The following DMD variants were observed in gnomAD, a reference collection of about 807,000 sequenced individuals.
DMD encodes mutant dystrophin.
DMD carries 63 observed loss-of-function variants against 330.1 expected under a neutral mutation model. That is an observed-to-expected ratio of 0.19 (90% confidence interval 0.16 to 0.24). DMD has a LOEUF of 0.24. Among genes scored for constraint, DMD ranks in the 10% least tolerant of loss-of-function variants. The pLI is 1.00. For missense variants in DMD, 3,344 were observed against 2,684.1 expected, an observed-to-expected ratio of 1.25 and a Z score of -5.43; for synonymous variants, 1,223 against 959.8, an observed-to-expected ratio of 1.27 and a Z score of -5.07.
At chrX:32,616,950 T>A (rs1254275542) in intron 11 of DMD, among the ~76,000 whole-genome samples, 2 of 109,384 alleles carry the variant, frequency 1.8e-5, no homozygotes, top group African/African-American at 3.3e-5. Flanking sequence ...CCTCTTCAAC[T>A]TTTTTTTGAA....
chrX:33,006,410 A>C (rs181806255), intron 2 of DMD, among the ~76,000 whole-genome samples: 1 of 112,186 alleles, frequency 8.9e-6, no homozygotes, highest in African/African-American at 3.2e-5. Context: ...CATCAATAGA[A>C]CAGAATAGTG....
intron 60 of DMD, among the ~76,000 whole-genome samples, chrX:31,432,396 C>T (rs781158114): frequency 3.6e-5 from 4 of 111,887 alleles, no homozygotes; most frequent in African/African-American, 6.5e-5. Flanking sequence ...TTAGAAAAGA[C>T]GCTGCGTAGT....
At chrX:32,700,314 C>G (rs1241931492) in intron 7 of DMD, among the ~76,000 whole-genome samples, 1 of 110,952 alleles carries the variant, frequency 9.0e-6, no homozygotes, top group Non-Finnish European at 1.9e-5. Context: ...AAGCCAGGCA[C>G]AGAAAGATAA....
In DMD at chrX:32,165,628, T is replaced by C. The variant is rs775022439; in HGVS notation, c.6438+51288A>G. ...GGTTAATGCTGAAATGAATTAATACTTTGGAGTACTGTTGTCAAGGCATGA... is the reference window on the plus strand; with the variant it reads ...GGTTAATGCTGAAATGAATTAATACCTTGGAGTACTGTTGTCAAGGCATGA... On this transcript the variant is annotated intron_variant, in intron 44 of 78. Coordinates refer to ENST00000357033, the MANE Select transcript of DMD (RefSeq NM_004006.3). 4.8e-4 allele frequency among the ~76,000 whole-genome samples: 54 copies of C among 112,200 alleles called. 1 individual carries two copies. The highest frequency in any genetic ancestry group is 1.7e-3 in the African/African-American group (52 of 30,852).
chrX:32,670,921 C>G (rs969016189), intron 9 of DMD, among the ~76,000 whole-genome samples: 1 of 110,270 alleles, frequency 9.1e-6, no homozygotes, highest in Admixed American at 9.7e-5. Flanking sequence ...TACTTCTAAA[C>G]AGTGAGGATG....
chrX:32,534,658 CTG>C (rs2047787397), intron 17 of DMD, among the ~76,000 whole-genome samples: 1 of 111,461 alleles, frequency 9.0e-6, no homozygotes, highest in Admixed American at 9.6e-5. Flanking sequence ...CTCCTTCTTG[CTG>C]TGTCCTCCCA....
At chrX:32,701,558 C>G (rs2064133884) in intron 7 of DMD, among the ~76,000 whole-genome samples, 1 of 111,378 alleles carries the variant, frequency 9.0e-6, no homozygotes, top group African/African-American at 3.3e-5. Flanking sequence ...TACTATACTT[C>G]ACCGTATCTT....
At chrX:31,652,034 C>G (rs1016244058) in intron 54 of DMD, among the ~76,000 whole-genome samples, 2 of 111,927 alleles carry the variant, frequency 1.8e-5, no homozygotes, top group Non-Finnish European at 3.8e-5. Flanking sequence ...TGTCAACTAC[C>G]TTCCTGCTCG....
chrX:32,575,748 T>C (rs2052970796), intron 13 of DMD, among the ~76,000 whole-genome samples: 2 of 111,922 alleles, frequency 1.8e-5, no homozygotes, highest in South Asian at 7.5e-4. Flanking sequence ...CTACACCATC[T>C]ACCTGACGTG....
chrX:33,267,415 G>A (rs1303599371), intron 1 of DMD, among the ~76,000 whole-genome samples: 1 of 110,868 alleles, frequency 9.0e-6, no homozygotes, highest in Non-Finnish European at 1.9e-5. Context: ...AATTAAAATG[G>A]CTATACTGCA....
At chrX:33,339,341 A>G in exon 1 of DMD, 1 of 966,163 alleles carries the variant, frequency 1.0e-6, no homozygotes, top group Non-Finnish European at 1.4e-6. Flanking sequence ...GCAAAACAGC[A>G]TCTTTCTCCT....
rs756949497 is a variant in DMD, at chrX:32,484,925, G to T, written c.2797C>A (p.Gln933Lys). ...SDVQAREKEL[Q>K]TIFDTLPPMR... ...TTTTAGGCTTTTTACTTACTTGTCTGTAGCTCTTTCTCTCTGGCCTGCACA... is the reference window on the plus strand; with the variant it reads ...TTTTAGGCTTTTTACTTACTTGTCTTTAGCTCTTTCTCTCTGGCCTGCACA... Residue 933 changes from glutamine (Q) to lysine (K), a missense_variant, in exon 21 of 79, where the codon CAG becomes AAG. Gln to Lys is a moderately conservative substitution (Grantham distance 53, BLOSUM62 1). Coordinates refer to ENST00000357033, the MANE Select transcript of DMD (RefSeq NM_004006.3). 8.3e-7 allele frequency: 1 copy of T among 1,210,869 alleles called. No homozygotes were observed. Among genetic ancestry groups the T allele is most frequent in the Admixed American group, 2.2e-5 (1 of 45,950 alleles).
At chrX:32,169,960 C>G (rs1174583810) in intron 44 of DMD, among the ~76,000 whole-genome samples, 9 of 111,152 alleles carry the variant, frequency 8.1e-5, no homozygotes, top group African/African-American at 2.9e-4. Flanking sequence ...GAAAAAATAG[C>G]AAGGAAAAAT....
At chrX:31,305,575 C>T in intron 62 of DMD, among the ~76,000 whole-genome samples, 2 of 112,078 alleles carry the variant, frequency 1.8e-5, no homozygotes, top group South Asian at 7.4e-4. Context: ...GTGCTTCCCA[C>T]ACTACTATCT....
intron 1 of DMD, among the ~76,000 whole-genome samples, chrX:33,288,856 T>C (rs2148928247): frequency 9.0e-6 from 1 of 111,644 alleles, no homozygotes; most frequent in African/African-American, 3.2e-5. Flanking sequence ...TTGGTTTTAT[T>C]TTTTATTCTT....
chrX:33,031,746 C>G (rs745987805), intron 1 of DMD, among the ~76,000 whole-genome samples: 7 of 110,268 alleles, frequency 6.3e-5, no homozygotes, highest in Non-Finnish European at 1.3e-4. Context: ...ACTCCAGCCC[C>G]GACAGGAGTT....
At position 31,119,851 on chromosome X, in the gene DMD, G is replaced by GTTTTC. The variant is rs2032056373; in HGVS notation, c.*2063_*2067dup. The GTTTTC allele has an allele frequency of 1.8e-5, 2 of 111,066 alleles. No homozygotes were observed. Among genetic ancestry groups the GTTTTC allele is most frequent in the South Asian group, 7.6e-4 (2 of 2,635 alleles). The allele number at this position is 111,066 out of a possible 1,213,427, so 9.2% of individuals were successfully genotyped here. A position where few individuals can be genotyped will look rare whatever the true frequency, so the allele number is the denominator to read the frequency against. ...GTAATTTGTTACCTTAGAGCTTTGG[G>GTTTTC]TTTTCTTTTGAAAATTATGAAGGAA... On this transcript the variant is annotated 3_prime_UTR_variant, in exon 79 of 79. Transcript: ENST00000357033.
chrX:33,122,825 G>A (rs147934848), intron 1 of DMD, among the ~76,000 whole-genome samples: 3,740 of 111,431 alleles, frequency 0.034, 168 homozygotes, highest in African/African-American at 0.12. Flanking sequence ...TCTCTCAACT[G>A]TGTTCCGAAT....
intron 29 of DMD, among the ~76,000 whole-genome samples, chrX:32,436,687 C>G (rs2098262578): frequency 9.0e-6 from 1 of 111,321 alleles, no homozygotes; most frequent in African/African-American, 3.3e-5. Flanking sequence ...TGGATCTTGG[C>G]CAGGTGTATC....
Sources: gnomAD v4.1 joint callset for allele counts (sites outside exome capture counted in the v4.1 genomes callset) on GRCh38, gnomAD v4.1.1 for gene constraint, MANE v1.5 for transcripts, NCBI Gene and HGNC (gene_info 2026-07-23, HGNC 2026-07-21) for gene names.